The following PTPRT variants were observed in gnomAD, a reference collection of about 807,000 sequenced individuals.
The protein encoded by PTPRT is receptor-type tyrosine-protein phosphatase T.
A neutral mutation model predicts 176.8 loss-of-function variants in PTPRT; 56 were observed. That is an observed-to-expected ratio of 0.32 (90% CI 0.26 to 0.40). The LOEUF (loss-of-function observed/expected upper bound fraction) is 0.40, where lower values mean the gene tolerates loss of function less well. Among genes scored for constraint, PTPRT ranks in the 10% least tolerant of loss-of-function variants. The pLI is 1.00. For missense variants in PTPRT, 1,540 were observed against 1,908.2 expected (o/e 0.81, Z 3.60); for synonymous variants, 783 against 739.0 (o/e 1.06, Z -0.96).
intron 2 of PTPRT, among the ~76,000 whole-genome samples, chr20:42,872,729 G>C (rs1470367687): frequency 6.6e-6 from 1 of 152,216 alleles, no homozygotes; most frequent in African/African-American, 2.4e-5. Context: ...AAGGTCCAGG[G>C]AGGGATGATG....
chr20:42,794,983 G>T (rs1276747923), intron 2 of PTPRT, among the ~76,000 whole-genome samples: 1 of 152,076 alleles, frequency 6.6e-6, no homozygotes, highest in Non-Finnish European at 1.5e-5. Context: ...GCTCAAGCGC[G>T]CCACTAGAGA....
intron 7 of PTPRT, 141 bp from the exon 8 acceptor site, chr20:42,472,703 G>T (rs1417300576): frequency 8.4e-6 from 7 of 834,344 alleles, no homozygotes; most frequent in Non-Finnish European, 1.3e-5. Flanking sequence ...TTTTGACACA[G>T]GCAATATAAT....
intron 15 of PTPRT, among the ~76,000 whole-genome samples, chr20:42,212,905 G>A (rs988032878): frequency 1.3e-5 from 2 of 152,136 alleles, no homozygotes; most frequent in Non-Finnish European, 2.9e-5. Flanking sequence ...GCAGTCTAGA[G>A]CCATGCTTTT....
intron 24 of PTPRT, 116 bp from the exon 25 acceptor site, chr20:42,104,834 C>T: frequency 2.6e-6 from 3 of 1,155,086 alleles, no homozygotes; most frequent in Non-Finnish European, 3.6e-6. Flanking sequence ...CAATATATTA[C>T]AGGATCCTTA....
chr20:42,632,848 C>T (rs746888421), intron 7 of PTPRT, among the ~76,000 whole-genome samples: 1 of 152,054 alleles, frequency 6.6e-6, no homozygotes, highest in Non-Finnish European at 1.5e-5. Context: ...AGCCTGCTAG[C>T]TGTAGTCTCA....
At chr20:42,402,160 G>C (rs562349645) in intron 9 of PTPRT, among the ~76,000 whole-genome samples, 1 of 152,298 alleles carries the variant, frequency 6.6e-6, no homozygotes, top group African/African-American at 2.4e-5. Flanking sequence ...GGGAGATGGG[G>C]AGAGAAGGAC....
intron 9 of PTPRT, among the ~76,000 whole-genome samples, chr20:42,446,092 T>G (rs932622119): frequency 2.0e-5 from 3 of 152,136 alleles, no homozygotes; most frequent in Non-Finnish European, 2.9e-5. Context: ...ATCATCCTAC[T>G]AGAGGAAAAA....
chr20:42,519,924 C>G lies in PTPRT; in HGVS notation c.1154-47362G>C, dbSNP rs183923125. 1.7e-3 allele frequency among the ~76,000 whole-genome samples: 255 copies of G among 151,956 alleles called. 1 individual carries two copies. In the Middle Eastern group the frequency reaches 0.027, roughly 16 times the overall value. On this transcript the variant is annotated intron_variant, in intron 7 of 30. Coordinates refer to ENST00000373187, the MANE Select transcript of PTPRT (RefSeq NM_007050.6). ...CAAGTTTTATTTCATATGTTTTAAC[C>G]TGCTTTATTTGGTACATACAAATTT... is the stretch of plus-strand genomic sequence containing the variant.
intron 1 of PTPRT, among the ~76,000 whole-genome samples, chr20:43,072,825 T>G (rs1424737306): frequency 6.6e-6 from 1 of 152,206 alleles, no homozygotes; most frequent in Non-Finnish European, 1.5e-5. Flanking sequence ...ATCCTCTAAG[T>G]GGAGTGTGTG....
intron 1 of PTPRT, among the ~76,000 whole-genome samples, chr20:43,117,414 G>A (rs1040986266): frequency 6.6e-6 from 1 of 152,030 alleles, no homozygotes; most frequent in Non-Finnish European, 1.5e-5. Context: ...AACTTCTAAA[G>A]CCTTCCTCCA....
At chr20:42,885,651 T>A (rs1408914890) in intron 2 of PTPRT, among the ~76,000 whole-genome samples, 156 bp downstream of exon 2, 1 of 152,204 alleles carries the variant, frequency 6.6e-6, no homozygotes, top group African/African-American at 2.4e-5. Context: ...TCATTCAGCC[T>A]TGGTTTGACC....
At chr20:43,181,359 T>C (rs1413354588) in intron 1 of PTPRT, among the ~76,000 whole-genome samples, 2 of 151,860 alleles carry the variant, frequency 1.3e-5, no homozygotes, top group Non-Finnish European at 2.9e-5. Context: ...ATATAGCTCC[T>C]TTAGAACAGG....
intron 4 of PTPRT, among the ~76,000 whole-genome samples, chr20:42,772,600 T>C (rs903286729): frequency 2.6e-5 from 4 of 152,198 alleles, no homozygotes; most frequent in Non-Finnish European, 4.4e-5. Context: ...CATTGGCTGA[T>C]AAATTGTATC....
rs985183484 is a variant in PTPRT at position 42,705,351 on chromosome 20, G to A, written c.860-27192C>T. 3.3e-5 allele frequency among the ~76,000 whole-genome samples: 5 copies of A among 150,476 alleles called. No homozygotes were observed. The East Asian group carries it at 7.9e-4, about 24-fold the overall frequency. ...GTCAGCGAAGGGTGGTGGGATTATC[G>A]TTGGTTCTTATAGGTTTGGGATAGG... On this transcript the variant is annotated intron_variant, in intron 6 of 30. Transcript: ENST00000373187.
intron 15 of PTPRT, among the ~76,000 whole-genome samples, chr20:42,232,337 G>GTTATC (rs1217983251): frequency 6.6e-6 from 1 of 152,198 alleles, no homozygotes; most frequent in Non-Finnish European, 1.5e-5. Flanking sequence ...AGACAACTGA[G>GTTATC]ACTCCAGTTA....
chr20:42,396,442 G>A (rs1266079982), intron 9 of PTPRT, among the ~76,000 whole-genome samples: 3 of 151,764 alleles, frequency 2.0e-5, no homozygotes, highest in Non-Finnish European at 4.4e-5. Flanking sequence ...CAGCAGAGCA[G>A]ACAACATGAT....
chr20:42,694,075 G>A (rs1600622008), intron 6 of PTPRT, among the ~76,000 whole-genome samples: 1 of 132,028 alleles, frequency 7.6e-6, no homozygotes. Context: ...GTCTCGCTCT[G>A]TCGCCCAGGC....
chr20:42,201,950 C>CGTGTGTGTGTGTGTGTGTGTGTGTGTGT (rs11468258), intron 15 of PTPRT, among the ~76,000 whole-genome samples: 18 of 143,112 alleles, frequency 1.3e-4, no homozygotes, highest in East Asian at 2.1e-4. Context: ...AGAAAAGTTG[C>CGTGTGTGTGTGTGTGTGTGTGTGTGTGT]GTGTGTGTGT....
intron 1 of PTPRT, among the ~76,000 whole-genome samples, chr20:42,951,560 A>G (rs1233018831): frequency 6.6e-6 from 1 of 152,208 alleles, no homozygotes; most frequent in Non-Finnish European, 1.5e-5. Flanking sequence ...TCAGCACTGG[A>G]TATCTGAGAT....
Sources: allele counts gnomAD v4.1 joint callset (sites outside exome capture counted in the v4.1 genomes callset), GRCh38; gene constraint gnomAD v4.1.1; transcripts MANE v1.5; gene names NCBI Gene and HGNC (gene_info 2026-07-23, HGNC 2026-07-21).